MAP3K19: variants seen among roughly 807,000 people sequenced by gnomAD.
MAP3K19 encodes mitogen-activated protein kinase kinase kinase 19.
MAP3K19 carries 91 observed loss-of-function variants against 114.4 expected under a neutral mutation model. That is an observed-to-expected ratio of 0.80 (90% CI 0.67 to 0.95). MAP3K19 has a LOEUF of 0.95. Ranked by LOEUF, MAP3K19 falls within the 40% of genes least tolerant of loss-of-function variation. The pLI, the probability that MAP3K19 is intolerant of heterozygous loss-of-function variation, is 0.00. For synonymous variants in MAP3K19, 518 were observed against 530.5 expected (o/e 0.98, Z 0.32); for missense variants, 1,471 against 1,573.2 (o/e 0.94, Z 1.10).
chr2:135,027,777 G>A (rs1018005189), intron 3 of MAP3K19, among the ~76,000 whole-genome samples: 5 of 152,130 alleles, frequency 3.3e-5, no homozygotes, highest in Non-Finnish European at 2.9e-5. Flanking sequence ...CTTGGCCAAC[G>A]TTTCATTATA....
rs575798934 is a variant in MAP3K19 at position 135,009,652 on chromosome 2, T to C, written c.139-4121A>G. The stretch of plus-strand genomic sequence containing the variant: ...TTGTCAGTTGGTCCTGTAGGAAAAG[T>C]TGGAAGCCGGCAGTGTGGTCATACC... On this transcript the variant is annotated intron_variant, in intron 5 of 12. Transcript: ENST00000392915. Among the ~76,000 whole-genome samples, 117 of 152,316 alleles carry C rather than the reference T, an allele frequency of 7.7e-4. No homozygotes were observed. The South Asian group carries it at 0.013, about 18-fold the overall frequency.
intron 4 of MAP3K19, among the ~76,000 whole-genome samples, chr2:135,024,195 A>G (rs561855222): frequency 3.9e-5 from 6 of 152,356 alleles, no homozygotes; most frequent in African/African-American, 9.6e-5. Context: ...GAATCAAACA[A>G]TAAAGTCAGG....
At chr2:135,001,294 A>G (rs560127905) in intron 6 of MAP3K19, among the ~76,000 whole-genome samples, 5 of 152,324 alleles carry the variant, frequency 3.3e-5, no homozygotes, top group African/African-American at 1.2e-4. Context: ...ACTTGATTGC[A>G]TGTTTTCTAA....
chr2:135,001,593 ACC>A (rs1686450471), intron 6 of MAP3K19, among the ~76,000 whole-genome samples: 1 of 152,262 alleles, frequency 6.6e-6, no homozygotes, highest in Admixed American at 6.5e-5. Context: ...GAGTGCAAAC[ACC>A]TAGCTGACAT....
intron 10 of MAP3K19, among the ~76,000 whole-genome samples, chr2:134,985,212 G>A (rs1173109683): frequency 1.3e-5 from 2 of 152,184 alleles, no homozygotes. Context: ...ACTTCCATGA[G>A]AGCAATGGCC....
At chr2:134,992,435 C>G (rs1305531764) in intron 8 of MAP3K19, among the ~76,000 whole-genome samples, 3 of 152,022 alleles carry the variant, frequency 2.0e-5, no homozygotes, top group Non-Finnish European at 4.4e-5. Flanking sequence ...CCCCATGAAC[C>G]ACCACCACCA....
chr2:134,983,188 A>C, intron 11 of MAP3K19: 1 of 532,990 alleles, frequency 1.9e-6, no homozygotes, highest in Non-Finnish European at 3.8e-6. Context: ...ACCTCTCTTC[A>C]TCGCCCACCC....
chr2:134,996,276 T>C (rs1169081378), intron 8 of MAP3K19, among the ~76,000 whole-genome samples: 3 of 140,260 alleles, frequency 2.1e-5, no homozygotes, highest in South Asian at 2.4e-4. Flanking sequence ...TATTTCTTTT[T>C]TTTTTTTTTT....
chr2:134,983,344 G>C (rs1335489582), intron 11 of MAP3K19: 4 of 572,158 alleles, frequency 7.0e-6, no homozygotes, highest in South Asian at 5.6e-5. Context: ...GGGAGGATGA[G>C]AGGTTAGAAA....
At position 134,986,039 on chromosome 2, in the gene MAP3K19, T is replaced by C. The variant is rs780327869; in HGVS notation, c.2833A>G (p.Thr945Ala). ...GAAATTGAATTTGTGCCACTTAAGG[T>C]TTTTCCAAACATTTGATATGTGATT... ...KSITYQMFGK[T>A]LSGTNSISQE... The change falls in exon 10 of 13, where the codon ACC (threonine) becomes GCC (alanine). Residue 945 changes from threonine to alanine, a missense_variant. Transcript: ENST00000392915. 1 of 1,613,582 alleles carries C rather than the reference T, an allele frequency of 6.2e-7. No individual in the cohort carries two copies. The highest frequency in any genetic ancestry group is 8.5e-7 in the Non-Finnish European group (1 of 1,179,900).
intron 8 of MAP3K19, among the ~76,000 whole-genome samples, chr2:134,996,403 G>A (rs1211255402): frequency 1.3e-5 from 2 of 151,432 alleles, no homozygotes; most frequent in Non-Finnish European, 2.9e-5. Context: ...CAGGTATGAT[G>A]CCAAATGCTT....
intron 5 of MAP3K19, among the ~76,000 whole-genome samples, chr2:135,012,748 C>T (rs936324632): frequency 6.6e-6 from 1 of 152,108 alleles, no homozygotes; most frequent in African/African-American, 2.4e-5. Flanking sequence ...CTTATTATGG[C>T]AGTTAATAAT....
At chr2:135,009,283 A>G (rs76619688) in intron 5 of MAP3K19, among the ~76,000 whole-genome samples, 3,863 of 152,138 alleles carry the variant, frequency 0.025, 87 homozygotes, top group Middle Eastern at 0.17. Context: ...ATTTTATTAT[A>G]TTTAATGTAA....
intron 1 of MAP3K19, among the ~76,000 whole-genome samples, chr2:135,044,075 A>G (rs2104802756): frequency 6.6e-6 from 1 of 152,382 alleles, no homozygotes; most frequent in East Asian, 1.9e-4. Flanking sequence ...ACATAATAAT[A>G]ACAATAATAC....
chr2:134,976,100 T>A (rs544384385), intron 12 of MAP3K19, among the ~76,000 whole-genome samples: 1 of 152,318 alleles, frequency 6.6e-6, no homozygotes, highest in Non-Finnish European at 1.5e-5. Flanking sequence ...GGCATCACAC[T>A]GCTGCAGCCC....
Position 135,021,707 on chromosome 2 carries a change from G to A in MAP3K19, c.138+8C>T, listed in dbSNP as rs1230508140. 1 of 1,549,032 alleles carries A rather than the reference G, an allele frequency of 6.5e-7. No individual in the cohort carries two copies. The highest frequency in any genetic ancestry group is 1.4e-5 in the African/African-American group (1 of 73,362). ...CTGTCCGTTGTTTCTTTAAAGGGAG[G>A]CTCTTACCTCACTTCTGCTGATGCT... On this transcript the variant is annotated splice_region_variant and intron_variant, in intron 5 of 12. Transcript: ENST00000392915.
chr2:135,002,699 T>TG (rs1385166839), intron 6 of MAP3K19, among the ~76,000 whole-genome samples: 3 of 151,748 alleles, frequency 2.0e-5, no homozygotes, highest in Non-Finnish European at 4.4e-5. Context: ...GTGAGTTACA[T>TG]GAAAAAAGAT....
chr2:134,979,219 A>C (rs1226667923), intron 12 of MAP3K19, among the ~76,000 whole-genome samples: 1 of 152,212 alleles, frequency 6.6e-6, no homozygotes, highest in East Asian at 1.9e-4. Flanking sequence ...GACTCTAATT[A>C]GGTAAGGTAT....
chr2:134,994,235 A>AT (rs1325862286), intron 8 of MAP3K19, among the ~76,000 whole-genome samples: 1 of 152,222 alleles, frequency 6.6e-6, no homozygotes, highest in Non-Finnish European at 1.5e-5. Flanking sequence ...ATAATAACTG[A>AT]TTGAGTTGTC....
Sources: gnomAD v4.1 joint callset for allele counts (sites outside exome capture counted in the v4.1 genomes callset) on GRCh38, gnomAD v4.1.1 for gene constraint, MANE v1.5 for transcripts, NCBI Gene and HGNC (gene_info 2026-07-23, HGNC 2026-07-21) for gene names.